PDE1A: variants seen among roughly 807,000 people sequenced by gnomAD.
PDE1A encodes the protein dual specificity calcium/calmodulin-dependent 3',5'-cyclic nucleotide phosphodiesterase 1A.
PDE1A carries 35 observed loss-of-function variants against 61.7 expected under a neutral mutation model. The ratio of observed to expected loss-of-function variants is 0.57; its 90% CI spans 0.43 to 0.75. PDE1A has a LOEUF of 0.75. Among genes scored for constraint, PDE1A ranks in the 30% least tolerant of loss-of-function variants. The probability of loss-of-function intolerance (pLI) is 0.00; values close to 1 mark genes in which losing one functional copy is unlikely to be tolerated. For missense variants in PDE1A, 597 were observed against 630.6 expected (o/e 0.95, Z 0.57); for synonymous variants, 232 against 213.2 (o/e 1.09, Z -0.77).
At chr2:182,472,415 G>C (rs748829787) in intron 2 of PDE1A, among the ~76,000 whole-genome samples, 1 of 151,872 alleles carries the variant, frequency 6.6e-6, no homozygotes, top group Non-Finnish European at 1.5e-5. Flanking sequence ...GCAGCAACAC[G>C]GATGGAACTG....
chr2:182,656,462 A>G, the PDE1A span, among the ~76,000 whole-genome samples: 1 of 152,324 alleles, frequency 6.6e-6, no homozygotes, highest in Admixed American at 6.5e-5. Context: ...AGAGCAAAAG[A>G]AAATCATCAC....
Position 182,454,893 on chromosome 2 carries a change from A to C in PDE1A, c.101+67383T>G, listed in dbSNP as rs183684619. ...CACAAAAGCAATGGCAACAAAAGAC[A>C]AAATTGACAAATGGGATCTAATTAA... On this transcript the variant is annotated intron_variant, in intron 2 of 14. Transcript: ENST00000410103. 4.8e-4 allele frequency among the ~76,000 whole-genome samples: 70 copies of C among 146,050 alleles called. 2 individuals carry two copies. The East Asian group carries it at 0.013, about 27-fold the overall frequency.
chr2:182,406,936 C>T (rs1320665621), intron 1 of PDE1A, among the ~76,000 whole-genome samples: 2 of 151,760 alleles, frequency 1.3e-5, no homozygotes, highest in Admixed American at 1.3e-4. Context: ...ATTGTAAATC[C>T]TGCATATTTT....
chr2:182,306,727 C>T (rs1198098603), intron 1 of PDE1A, among the ~76,000 whole-genome samples: 2 of 152,010 alleles, frequency 1.3e-5, no homozygotes, highest in African/African-American at 4.8e-5. Flanking sequence ...AAAGTCTCTT[C>T]AATAAAAAGT....
chr2:182,315,398 T>C (rs557561919), intron 1 of PDE1A, among the ~76,000 whole-genome samples: 4 of 152,326 alleles, frequency 2.6e-5, no homozygotes, highest in South Asian at 2.1e-4. Context: ...TCTAGAAAGC[T>C]AGAAGACAAA....
At chr2:182,284,426 T>G (rs992171066) in intron 1 of PDE1A, among the ~76,000 whole-genome samples, 2 of 152,126 alleles carry the variant, frequency 1.3e-5, no homozygotes, top group Non-Finnish European at 2.9e-5. Context: ...GAACATAAAA[T>G]TAAATTGAGC....
At chr2:182,297,072 G>A (rs777499270) in intron 1 of PDE1A, among the ~76,000 whole-genome samples, 1 of 152,150 alleles carries the variant, frequency 6.6e-6, no homozygotes, top group Non-Finnish European at 1.5e-5. Context: ...CCATAATCAT[G>A]TGAGCTATTC....
the PDE1A span, among the ~76,000 whole-genome samples, chr2:182,544,762 T>C: frequency 6.6e-6 from 1 of 152,202 alleles, no homozygotes; most frequent in Non-Finnish European, 1.5e-5. Flanking sequence ...CTGTTTTTCT[T>C]GATTCTCTCC....
At chr2:182,264,878 C>CATATATATATATACATAT (rs1553560264) in intron 1 of PDE1A, among the ~76,000 whole-genome samples, 4 of 106,870 alleles carry the variant, frequency 3.7e-5, no homozygotes, top group East Asian at 2.8e-4. Flanking sequence ...TATATATATA[C>CATATATATATATACATAT]ATATATATAT....
intron 1 of PDE1A, among the ~76,000 whole-genome samples, chr2:182,402,910 C>G (rs901625404): frequency 6.6e-6 from 1 of 151,992 alleles, no homozygotes; most frequent in Non-Finnish European, 1.5e-5. Context: ...ATGTTGCCAA[C>G]AAACATGAAA....
At chr2:182,507,446 A>T (rs1176703874) in intron 2 of PDE1A, among the ~76,000 whole-genome samples, 2 of 152,190 alleles carry the variant, frequency 1.3e-5, no homozygotes, top group African/African-American at 4.8e-5. Flanking sequence ...TCTACCCTAC[A>T]TGCCCATCCT....
intron 1 of PDE1A, among the ~76,000 whole-genome samples, chr2:182,298,268 A>G (rs567688416): frequency 6.6e-6 from 1 of 152,314 alleles, no homozygotes; most frequent in East Asian, 1.9e-4. Flanking sequence ...GTGCCATTGC[A>G]GCGCTTAAAG....
chr2:182,366,075 G>A (rs1408983084), intron 1 of PDE1A, among the ~76,000 whole-genome samples: 1 of 152,102 alleles, frequency 6.6e-6, no homozygotes, highest in Non-Finnish European at 1.5e-5. Flanking sequence ...AGGTGATGAC[G>A]TGAATTGTGA....
chr2:182,698,883 T>C, the PDE1A span, among the ~76,000 whole-genome samples: 1 of 152,194 alleles, frequency 6.6e-6, no homozygotes, highest in Admixed American at 6.5e-5. Context: ...TTCAAGCTGA[T>C]TTCATCTCTA....
chr2:182,600,267 AG>A, the PDE1A span, among the ~76,000 whole-genome samples: 1 of 152,220 alleles, frequency 6.6e-6, no homozygotes, highest in African/African-American at 2.4e-5. Flanking sequence ...ATTTTCTGAA[AG>A]GTTTTTTTCA....
intron 1 of PDE1A, among the ~76,000 whole-genome samples, chr2:182,280,835 T>C (rs1693755406): frequency 6.6e-6 from 1 of 151,944 alleles, no homozygotes; most frequent in Non-Finnish European, 1.5e-5. Flanking sequence ...TTATTTTTTT[T>C]GCTGCCTGAC....
At chr2:182,671,203 G>T in the PDE1A span, among the ~76,000 whole-genome samples, 1 of 151,422 alleles carries the variant, frequency 6.6e-6, no homozygotes, top group Non-Finnish European at 1.5e-5. Flanking sequence ...CGGTGTTCTC[G>T]CTCTGTCGCC....
At chr2:182,715,953 C>T in the PDE1A span, 1 of 152,242 alleles carries the variant, frequency 6.6e-6, no homozygotes, top group Non-Finnish European at 1.5e-5. Flanking sequence ...CAAAACCCAC[C>T]CTCTGGGTTT....
chr2:182,702,162 G>A, the PDE1A span, among the ~76,000 whole-genome samples: 6 of 152,130 alleles, frequency 3.9e-5, no homozygotes, highest in African/African-American at 7.2e-5. Flanking sequence ...GAAGTGCAGC[G>A]GCAGGCTCTT....
Sources: allele counts gnomAD v4.1 joint callset (sites outside exome capture counted in the v4.1 genomes callset), GRCh38; gene constraint gnomAD v4.1.1; transcripts MANE v1.5; gene names NCBI Gene and HGNC (gene_info 2026-07-23, HGNC 2026-07-21).